The following PPP6R2 variants were observed in gnomAD, a reference collection of about 807,000 sequenced individuals.
PPP6R2 encodes the protein protein phosphatase 6 regulatory subunit 2.
A neutral mutation model predicts 100.2 loss-of-function variants in PPP6R2; 62 were observed. The ratio of observed to expected loss-of-function variants is 0.62; its 90% CI spans 0.50 to 0.76. PPP6R2 has a LOEUF of 0.76. PPP6R2 is among the 30% of genes least tolerant of loss of function. The probability of loss-of-function intolerance (pLI) is 0.00; values close to 1 mark genes in which losing one functional copy is unlikely to be tolerated. For synonymous variants in PPP6R2, 525 were observed against 514.7 expected, an observed-to-expected ratio of 1.02 and a Z score of -0.27; for missense variants, 1,142 against 1,276.3, an observed-to-expected ratio of 0.89 and a Z score of 1.60.
At position 50,441,010 on chromosome 22, in the gene PPP6R2, G is replaced by A. The variant is rs2065456737; in HGVS notation, c.2563G>A (p.Glu855Lys). ...CCCGCTGCCCACAGTGGCCAGGACA[G>A]AGGAGGCTGTCGGCAGGTGTGTGGG... ...APPLPTVART[E>K]EAVGRVGCAD... is the part of the protein sequence containing the mutation. The change falls in exon 22 of 24, where the codon GAG becomes AAG. Residue 855 changes from glutamate to lysine, a missense_variant. Physicochemically the swap from Glu to Lys is moderately conservative, Grantham distance 56. Coordinates refer to ENST00000612753, the MANE Select transcript of PPP6R2 (RefSeq NM_001242898.2). The A allele has an allele frequency of 1.3e-6, 2 of 1,594,854 alleles. No homozygotes were observed. Among genetic ancestry groups the A allele is most frequent in the Non-Finnish European group, 1.7e-6 (2 of 1,167,590 alleles).
chr22:50,353,046 A>G (rs2045670430), intron 1 of PPP6R2, among the ~76,000 whole-genome samples: 1 of 152,196 alleles, frequency 6.6e-6, no homozygotes, highest in Non-Finnish European at 1.5e-5. Context: ...CCTGGGCAAC[A>G]GAGTAAGACC....
chr22:50,427,766 G>T (rs1393469590), intron 10 of PPP6R2, among the ~76,000 whole-genome samples: 4 of 152,146 alleles, frequency 2.6e-5, no homozygotes, highest in Admixed American at 1.3e-4. Context: ...TGTCGCCCAG[G>T]CTGGAGTGCA....
intron 4 of PPP6R2, among the ~76,000 whole-genome samples, chr22:50,414,333 C>G (rs1273753625): frequency 7.1e-4 from 4 of 5,634 alleles, no homozygotes; most frequent in Non-Finnish European, 4.2e-3. Flanking sequence ...GTGCAGTGGC[C>G]CCCCCCCCCC....
chr22:50,333,775 C>T, the PPP6R2 span, among the ~76,000 whole-genome samples: 1 of 152,276 alleles, frequency 6.6e-6, no homozygotes, highest in African/African-American at 2.4e-5. Context: ...GAAAAGACAG[C>T]TGGGCCCTGG....
chr22:50,400,113 G>A (rs1164627118), intron 3 of PPP6R2, among the ~76,000 whole-genome samples: 1 of 152,204 alleles, frequency 6.6e-6, no homozygotes, highest in Non-Finnish European at 1.5e-5. Context: ...GCAGCAGTGG[G>A]TCACAGCGGG....
intron 6 of PPP6R2, 60 bp from the exon 7 acceptor site, chr22:50,418,807 G>A (rs964591843): frequency 7.3e-7 from 1 of 1,366,426 alleles, no homozygotes; most frequent in African/African-American, 1.4e-5. Context: ...TGCCCAGCAG[G>A]GCTGGTCCTG....
intron 2 of PPP6R2, chr22:50,388,962 A>G (rs1251220465): frequency 6.6e-6 from 1 of 152,192 alleles, no homozygotes. Flanking sequence ...AACAGTCTCT[A>G]TCACAGAATG....
At chr22:50,405,035 A>G (rs1398290854) in intron 3 of PPP6R2, among the ~76,000 whole-genome samples, 1 of 152,194 alleles carries the variant, frequency 6.6e-6, no homozygotes, top group African/African-American at 2.4e-5. Flanking sequence ...AGGTGTTGGT[A>G]TTTCTTAGTC....
intron 4 of PPP6R2, among the ~76,000 whole-genome samples, chr22:50,413,444 T>C (rs116055311): frequency 0.095 from 14,483 of 152,114 alleles, 903 homozygotes; most frequent in African/African-American, 0.17. Context: ...CAGTGAGTTA[T>C]GATCGCACCA....
In PPP6R2 at chr22:50,437,837, T is replaced by C; in HGVS notation, c.1782-6T>C. 6.4e-7 allele frequency: 1 copy of C among 1,552,432 alleles called. No homozygotes were observed. The highest frequency in any genetic ancestry group is 8.7e-7 in the Non-Finnish European group (1 of 1,147,556). ...AACGCTGAAGCCATCCCCCTTGCTCTTGCAGTGCCCCGTTTGACAGGATCG... is the reference window on the plus strand; with the variant it reads ...AACGCTGAAGCCATCCCCCTTGCTCCTGCAGTGCCCCGTTTGACAGGATCG... On this transcript the variant is annotated splice_polypyrimidine_tract_variant and splice_region_variant and intron_variant, in intron 16 of 23. Transcript: ENST00000612753.
chr22:50,392,666 C>A (rs1238359588), intron 2 of PPP6R2, among the ~76,000 whole-genome samples: 1 of 152,142 alleles, frequency 6.6e-6, no homozygotes, highest in Non-Finnish European at 1.5e-5. Flanking sequence ...CAGGAGCTGC[C>A]CAGAGGACCT....
At chr22:50,384,993 C>T (rs2053917797) in intron 2 of PPP6R2, among the ~76,000 whole-genome samples, 1 of 152,086 alleles carries the variant, frequency 6.6e-6, no homozygotes, top group African/African-American at 2.4e-5. Flanking sequence ...AGTGAGCCTC[C>T]TGCCTTTAGC....
intron 1 of PPP6R2, among the ~76,000 whole-genome samples, chr22:50,347,149 C>G (rs2043961487): frequency 1.3e-5 from 2 of 151,628 alleles, no homozygotes; most frequent in Admixed American, 1.3e-4. Flanking sequence ...CCTGTCAGAT[C>G]CTCCCCATCA....
chr22:50,404,240 GC>G (rs1158255235), intron 3 of PPP6R2, among the ~76,000 whole-genome samples: 2 of 151,214 alleles, frequency 1.3e-5, no homozygotes, highest in South Asian at 2.1e-4. Context: ...CATTACAGGC[GC>G]CCACCACCAC....
At chr22:50,340,222 GTGTATGGTATGTGGTGTGT>G, upstream of PPP6R2, among the ~76,000 whole-genome samples, 1 of 91,434 alleles carries the variant, frequency 1.1e-5, no homozygotes, top group East Asian at 2.6e-4. Flanking sequence ...GGTATGTGGT[GTGTATGGTATGTGGTGTGT>G]GTGGTGTGTG....
chr22:50,338,847 G>T (rs1451648065), upstream of PPP6R2, among the ~76,000 whole-genome samples: 1 of 144,860 alleles, frequency 6.9e-6, no homozygotes. Context: ...TGTGTGTGGT[G>T]TGTGGTGTGT....
At chr22:50,409,273 G>A (rs960721032) in intron 4 of PPP6R2, among the ~76,000 whole-genome samples, 1 of 152,074 alleles carries the variant, frequency 6.6e-6, no homozygotes, top group Admixed American at 6.6e-5. Flanking sequence ...TCTTTCAAAC[G>A]TCTACAAATG....
At chr22:50,430,035 CCTT>C (rs1206156009) in intron 10 of PPP6R2, among the ~76,000 whole-genome samples, 5 of 152,258 alleles carry the variant, frequency 3.3e-5, no homozygotes, top group Admixed American at 3.3e-4. Flanking sequence ...ATACAGTCCT[CCTT>C]CTCCATGGAG....
chr22:50,370,529 C>T (rs1448949669), intron 1 of PPP6R2, among the ~76,000 whole-genome samples: 3 of 152,146 alleles, frequency 2.0e-5, no homozygotes, highest in African/African-American at 4.8e-5. Context: ...CCTCGTGATC[C>T]ACCCGCCTTG....
Sources: gnomAD v4.1 joint callset for allele counts (sites outside exome capture counted in the v4.1 genomes callset) on GRCh38, gnomAD v4.1.1 for gene constraint, MANE v1.5 for transcripts, NCBI Gene and HGNC (gene_info 2026-07-23, HGNC 2026-07-21) for gene names.